Variants in TBC1D5 observed in about 807,000 individuals in gnomAD.
TBC1D5 encodes TBC1 domain family, member 5.
A neutral mutation model predicts 100.3 loss-of-function variants in TBC1D5; 75 were observed. The ratio of observed to expected loss-of-function variants is 0.75; its 90% CI spans 0.62 to 0.91. The LOEUF (loss-of-function observed/expected upper bound fraction) is 0.91. Among genes scored for constraint, TBC1D5 ranks in the 40% least tolerant of loss-of-function variants. TBC1D5 has a pLI of 0.00. For synonymous variants in TBC1D5, 323 were observed against 325.6 expected, an observed-to-expected ratio of 0.99 and a Z score of 0.09; for missense variants, 910 against 942.4, an observed-to-expected ratio of 0.97 and a Z score of 0.45.
chr3:17,647,842 A>G (rs992841601), intron 1 of TBC1D5, among the ~76,000 whole-genome samples: 34 of 152,210 alleles, frequency 2.2e-4, no homozygotes, highest in Non-Finnish European at 4.3e-4. Context: ...GGAGTAAGGA[A>G]GCTAGTCCAA....
chr3:17,661,257 C>A (rs1298903625), intron 1 of TBC1D5, among the ~76,000 whole-genome samples: 2 of 152,166 alleles, frequency 1.3e-5, no homozygotes, highest in Non-Finnish European at 2.9e-5. Context: ...GGTTCCATTA[C>A]AATTACCTAA....
At chr3:17,669,727 T>G (rs906456097) in intron 1 of TBC1D5, among the ~76,000 whole-genome samples, 3 of 152,194 alleles carry the variant, frequency 2.0e-5, no homozygotes, top group African/African-American at 7.2e-5. Context: ...ACAGTAGTAA[T>G]TGTTGTTTCA....
chr3:17,531,553 C>A (rs1191402045), intron 2 of TBC1D5, among the ~76,000 whole-genome samples: 4 of 152,178 alleles, frequency 2.6e-5, no homozygotes, highest in Non-Finnish European at 5.9e-5. Flanking sequence ...AAGAACGAAG[C>A]TGGAGGCATC....
chr3:17,454,923 A>G (rs2095022771), intron 3 of TBC1D5, among the ~76,000 whole-genome samples: 1 of 152,028 alleles, frequency 6.6e-6, no homozygotes, highest in African/African-American at 2.4e-5. Flanking sequence ...GATGAAACAA[A>G]CTGAAGAGGA....
chr3:17,257,660 T>A, intron 16 of TBC1D5, among the ~76,000 whole-genome samples: 1 of 152,232 alleles, frequency 6.6e-6, no homozygotes, highest in East Asian at 1.9e-4. Context: ...CTTCTTCTCA[T>A]CCCTTAGACT....
intron 3 of TBC1D5, among the ~76,000 whole-genome samples, chr3:17,440,159 C>T (rs2094621000): frequency 6.6e-6 from 1 of 152,144 alleles, no homozygotes; most frequent in Admixed American, 6.5e-5. Context: ...ACAATGACAA[C>T]TTTGAAAAAT....
At chr3:17,470,931 T>C (rs1230703589) in intron 3 of TBC1D5, among the ~76,000 whole-genome samples, 1 of 151,878 alleles carries the variant, frequency 6.6e-6, no homozygotes, top group Non-Finnish European at 1.5e-5. Context: ...AAAAAAAAAG[T>C]GATTTTTGTG....
chr3:17,232,325 A>G (rs2075494509), intron 17 of TBC1D5, among the ~76,000 whole-genome samples: 1 of 152,218 alleles, frequency 6.6e-6, no homozygotes, highest in East Asian at 1.9e-4. Flanking sequence ...CTCTGTAGCA[A>G]TTAATGTTGG....
chr3:17,700,534 G>C (rs1560502275), intron 1 of TBC1D5, among the ~76,000 whole-genome samples: 2 of 152,278 alleles, frequency 1.3e-5, no homozygotes, highest in South Asian at 2.1e-4. Flanking sequence ...CCATCAGAGT[G>C]AACAGGCAAC....
intron 14 of TBC1D5, among the ~76,000 whole-genome samples, chr3:17,297,768 T>A (rs2060626): frequency 0.4 from 60,088 of 149,374 alleles, 12,678 homozygotes; most frequent in Middle Eastern, 0.51. Context: ...TTTTTTTTTT[T>A]AATTGAGACG....
At chr3:17,496,820 G>A (rs574086875) in intron 3 of TBC1D5, among the ~76,000 whole-genome samples, 5 of 152,048 alleles carry the variant, frequency 3.3e-5, no homozygotes, top group Non-Finnish European at 5.9e-5. Flanking sequence ...AAGAAACTTG[G>A]GAGTTCAACA....
rs549642232 is a variant in TBC1D5 at position 17,464,091 on chromosome 3, A to C, written c.98-35572T>G. 3.9e-5 allele frequency among the ~76,000 whole-genome samples: 6 copies of C among 151,908 alleles called. No individual in the cohort carries two copies. The South Asian group carries it at 1.2e-3, about 32-fold the overall frequency. On this transcript the variant is annotated intron_variant, in intron 3 of 21. Coordinates refer to ENST00000253692, the Ensembl canonical transcript of TBC1D5. ...CTCAGCCTTCCAAGTAGCTGGGATTACAGGCATGCGCCAACACACCCCGTT... is the reference window on the plus strand; with the variant it reads ...CTCAGCCTTCCAAGTAGCTGGGATTCCAGGCATGCGCCAACACACCCCGTT...
intron 13 of TBC1D5, among the ~76,000 whole-genome samples, chr3:17,331,132 C>T (rs2086812748): frequency 6.6e-6 from 1 of 152,144 alleles, no homozygotes; most frequent in Non-Finnish European, 1.5e-5. Context: ...ACCTTGTTTA[C>T]AACCCTTTAG....
At chr3:17,533,360 C>T (rs2096252075) in intron 2 of TBC1D5, among the ~76,000 whole-genome samples, 1 of 152,096 alleles carries the variant, frequency 6.6e-6, no homozygotes. Flanking sequence ...AGTTTGTTTG[C>T]TTGAGGAACT....
intron 15 of TBC1D5, among the ~76,000 whole-genome samples, chr3:17,286,903 G>A (rs2081244601): frequency 6.6e-6 from 1 of 152,168 alleles, no homozygotes; most frequent in African/African-American, 2.4e-5. Context: ...ATCTATGAAA[G>A]GAGAAGCTGG....
intron 3 of TBC1D5, among the ~76,000 whole-genome samples, chr3:17,467,626 G>A (rs370037240): frequency 1.3e-5 from 2 of 152,036 alleles, no homozygotes; most frequent in South Asian, 2.1e-4. Context: ...AGTGGCTCAC[G>A]CATGTAAGGA....
chr3:17,259,597 T>C (rs1181227784), intron 15 of TBC1D5, among the ~76,000 whole-genome samples: 1 of 151,810 alleles, frequency 6.6e-6, no homozygotes, highest in Non-Finnish European at 1.5e-5. Flanking sequence ...TCCTTTGAGA[T>C]ACATATCTGG....
intron 1 of TBC1D5, among the ~76,000 whole-genome samples, chr3:17,627,035 G>A (rs2063118471): frequency 6.6e-6 from 1 of 152,170 alleles, no homozygotes; most frequent in African/African-American, 2.4e-5. Flanking sequence ...GGACAGCAGG[G>A]TACAAATTAA....
At chr3:17,333,665 G>A (rs748481653) in intron 13 of TBC1D5, among the ~76,000 whole-genome samples, 7 of 152,142 alleles carry the variant, frequency 4.6e-5, no homozygotes, top group Non-Finnish European at 1.0e-4. Context: ...TGGGAATACT[G>A]AGGAAGTTCT....
Sources: gnomAD v4.1 joint callset for allele counts (sites outside exome capture counted in the v4.1 genomes callset) on GRCh38, gnomAD v4.1.1 for gene constraint, MANE v1.5 for transcripts, NCBI Gene and HGNC (gene_info 2026-07-23, HGNC 2026-07-21) for gene names.